SVEP1: variants seen among roughly 807,000 people sequenced by gnomAD.
SVEP1 encodes sushi, von Willebrand factor type A, EGF and pentraxin domain containing 1, also known as sushi, von Willebrand factor type A, EGF and pentraxin domain-containing protein 1.
SVEP1 carries 164 observed loss-of-function variants against 367.3 expected under a neutral mutation model. That is an observed-to-expected ratio of 0.45 (90% CI 0.39 to 0.51). The LOEUF is 0.51. Among genes scored for constraint, SVEP1 ranks in the 20% least tolerant of loss-of-function variants. The pLI is 0.00. For synonymous variants in SVEP1, 1,666 were observed against 1,611.6 expected, an observed-to-expected ratio of 1.03 and a Z score of -0.81; for missense variants, 4,117 against 4,425.3, an observed-to-expected ratio of 0.93 and a Z score of 1.98.
At chr9:110,430,121 T>TTTTC in intron 33 of SVEP1, 117 bp from the exon 34 acceptor site, 55 of 1,159,654 alleles carry the variant, frequency 4.7e-5, no homozygotes, top group Non-Finnish European at 6.2e-5. Context: ...TTTTTTTTTT[T>TTTTC]TGGTGTGTGT....
chr9:110,528,156 G>GTGTGTGTGTATGTATATATATATATATA, intron 3 of SVEP1, among the ~76,000 whole-genome samples: 4 of 33,950 alleles, frequency 1.2e-4, no homozygotes, highest in Non-Finnish European at 1.7e-4. Context: ...GTGTGTGTGT[G>GTGTGTGTGTATGTATATATATATATATA]TATATATATA....
intron 40 of SVEP1, among the ~76,000 whole-genome samples, chr9:110,389,927 T>C (rs1249667662): frequency 6.6e-6 from 1 of 151,290 alleles, no homozygotes; most frequent in African/African-American, 2.4e-5. Flanking sequence ...ATATGAATCA[T>C]AGTGTATCAT....
At chr9:110,405,757 AGTT>A (rs1827944411) in intron 38 of SVEP1, among the ~76,000 whole-genome samples, 1 of 152,122 alleles carries the variant, frequency 6.6e-6, no homozygotes, top group Non-Finnish European at 1.5e-5. Flanking sequence ...TGAATTCTTC[AGTT>A]TTTTGCCTTA....
chr9:110,406,360 A>G lies in SVEP1; in HGVS notation c.9240T>C (p.Ser3080=). ...TGTAAGTTATCACATTTTCCTTCCA[A>G]GAGCTGGTCTCACTGATGAACGCAT... is the stretch of plus-strand genomic sequence containing the variant. ...IPNAFISETS[S]WKENVITYSC... Residue 3080 remains serine (S), a synonymous_variant, in exon 38 of 48, where the codon TCT becomes TCC. Transcript: ENST00000374469. The G allele has an allele frequency of 6.2e-7, 1 of 1,614,058 alleles. No individual in the cohort carries two copies. Among genetic ancestry groups the G allele is most frequent in the Non-Finnish European group, 8.5e-7 (1 of 1,179,906 alleles).
intron 1 of SVEP1, among the ~76,000 whole-genome samples, chr9:110,552,525 T>C (rs949456281): frequency 3.3e-5 from 5 of 152,098 alleles, no homozygotes; most frequent in African/African-American, 1.2e-4. Flanking sequence ...TACAACTCAC[T>C]ATAATGTAGA....
intron 10 of SVEP1, among the ~76,000 whole-genome samples, chr9:110,483,009 T>C (rs566451431): frequency 6.6e-6 from 1 of 152,346 alleles, no homozygotes; most frequent in African/African-American, 2.4e-5. Flanking sequence ...GACAAACAAC[T>C]GATTTTCTCA....
rs1358152862 is a variant in SVEP1, at chr9:110,366,410, C to A, written c.*129G>T. On this transcript the variant is annotated 3_prime_UTR_variant, in exon 48 of 48. Coordinates refer to ENST00000374469, the MANE Select transcript of SVEP1 (RefSeq NM_153366.4). ...ATATCACAAAATAAAAAAAGTAACC[C>A]CAAGTAACAAGTTTACTAAACAAGA... is the stretch of plus-strand genomic sequence containing the variant. 4 of 868,090 alleles carry A rather than the reference C, an allele frequency of 4.6e-6. No homozygotes were observed. Among genetic ancestry groups the A allele is most frequent in the Non-Finnish European group, 6.4e-6 (4 of 623,546 alleles). 53.8% of individuals were successfully genotyped at this position (868,090 alleles called of 1,614,324 possible).
Position 110,432,635 on chromosome 9 carries a change from C to T in SVEP1, c.5060G>A (p.Arg1687His). ...AGGAGGTGGCACCCCACAGCTAATG[C>T]CTGTAAGGTGACCAGGAAGAAGACA... is the stretch of plus-strand genomic sequence containing the variant. ...QWTQPLPHCE[R>H]ISCGVPPPLE... The change falls in exon 31 of 48, where the codon CGC (arginine) becomes CAC (histidine). Residue 1687 changes from arginine to histidine, a missense_variant and splice_region_variant. By Grantham distance (29) the Arg-to-His change is conservative. Around this residue, in one of 4 missense-constraint regions of SVEP1, gnomAD observed 2,174 missense variants for 2,494.3 expected, o/e 0.87. Transcript: ENST00000374469. The T allele has an allele frequency of 6.3e-7, 1 of 1,597,426 alleles. No individual in the cohort carries two copies. Among genetic ancestry groups the T allele is most frequent in the Non-Finnish European group, 8.5e-7 (1 of 1,174,582 alleles).
intron 40 of SVEP1, among the ~76,000 whole-genome samples, chr9:110,393,588 C>A (rs1827703490): frequency 6.6e-6 from 1 of 152,182 alleles, no homozygotes; most frequent in African/African-American, 2.4e-5. Context: ...CACAAGGGGT[C>A]AGGGAATTCC....
intron 8 of SVEP1, among the ~76,000 whole-genome samples, chr9:110,493,648 C>T (rs899396251): frequency 1.3e-5 from 2 of 152,152 alleles, no homozygotes; most frequent in Admixed American, 1.3e-4. Flanking sequence ...AGAAGAATCG[C>T]TTGAACCTGG....
At chr9:110,423,481 A>G (rs1482410914) in intron 36 of SVEP1, among the ~76,000 whole-genome samples, 1 of 152,182 alleles carries the variant, frequency 6.6e-6, no homozygotes, top group South Asian at 2.1e-4. Context: ...GGAAGTAAAA[A>G]GGTACATAGT....
intron 1 of SVEP1, among the ~76,000 whole-genome samples, chr9:110,554,750 G>GTGTGTGTGTA (rs761338353): frequency 6.6e-6 from 1 of 151,986 alleles, no homozygotes; most frequent in South Asian, 2.1e-4. Flanking sequence ...GTGTGTGTGT[G>GTGTGTGTGTA]TGTATGTATG....
Position 110,406,780 on chromosome 9 carries a change from C to A in SVEP1, c.8820G>T (p.Glu2940Asp). Residue 2940 changes from glutamate (E) to aspartate (D), a missense_variant, in exon 38 of 48, where the codon GAG (glutamate) becomes GAT (aspartate). By Grantham distance (45) the Glu-to-Asp change is conservative (BLOSUM62 2). Transcript: ENST00000374469. ...AGTTGACTGGTTTACAGAGAGGAAT[C>A]TCTGCATCCCAGTTGCCATCTGACT... ...TCQSDGNWDA[E>D]IPLCKPVNCG... 1 of 1,614,012 alleles carries A rather than the reference C, an allele frequency of 6.2e-7. No homozygotes were observed. Among genetic ancestry groups the A allele is most frequent in the Non-Finnish European group, 8.5e-7 (1 of 1,179,890 alleles).
At chr9:110,381,807 A>G (rs980871894) in intron 43 of SVEP1, among the ~76,000 whole-genome samples, 3 of 152,138 alleles carry the variant, frequency 2.0e-5, no homozygotes, top group African/African-American at 7.2e-5. Context: ...TCCCACTATT[A>G]TTGTGTAAAT....
chr9:110,427,379 TC>T (rs1445130293), intron 36 of SVEP1, among the ~76,000 whole-genome samples: 1 of 151,570 alleles, frequency 6.6e-6, no homozygotes, highest in East Asian at 1.9e-4. Context: ...TTATTGAGGG[TC>T]TAATTTGATA....
intron 17 of SVEP1, 113 bp from the exon 18 acceptor site, chr9:110,466,139 G>A (rs1828933599): frequency 4.5e-6 from 5 of 1,119,488 alleles, no homozygotes; most frequent in South Asian, 1.9e-5. Context: ...GACAGAATGA[G>A]GGACCCAGAG....
At chr9:110,394,820 T>G (rs1039143320) in intron 40 of SVEP1, among the ~76,000 whole-genome samples, 17 of 151,954 alleles carry the variant, frequency 1.1e-4, no homozygotes, top group African/African-American at 4.1e-4. Flanking sequence ...TAAAAAGAAA[T>G]GAACAAAGCC....
chr9:110,543,886 C>A (rs1239826575), intron 3 of SVEP1, among the ~76,000 whole-genome samples: 1 of 152,116 alleles, frequency 6.6e-6, no homozygotes, highest in Non-Finnish European at 1.5e-5. Flanking sequence ...AGGGGAGGCA[C>A]TTTGCCAACT....
Position 110,389,539 on chromosome 9 carries a change from C to T in SVEP1, c.9871G>A (p.Val3291Met). ...TTCAACTCACCTTTGCATATTGCCACCCCTCCACTCCACTGTCTGTTCTCC... is the reference window on the plus strand; with the variant it reads ...TTCAACTCACCTTTGCATATTGCCATCCCTCCACTCCACTGTCTGTTCTCC... Reference protein sequence around the residue: ...CQENRQWSGGVAICKETRCET... With the variant: ...CQENRQWSGGMAICKETRCET... The change falls in exon 41 of 48, where the codon GTG becomes ATG. Residue 3291 changes from valine to methionine, a missense_variant. Around this residue, in one of 4 missense-constraint regions of SVEP1, gnomAD observed 1,765 missense variants for 1,781.1 expected, o/e 0.99. Transcript: ENST00000374469. The T allele has an allele frequency of 1.2e-6, 2 of 1,613,690 alleles. No homozygotes were observed. The highest frequency in any genetic ancestry group is 2.2e-5 in the East Asian group (1 of 44,866).
Sources: gnomAD v4.1 joint callset for allele counts (sites outside exome capture counted in the v4.1 genomes callset) on GRCh38, gnomAD v4.1.1 for gene constraint, gnomAD v4.1.1 regional missense constraint, MANE v1.5 for transcripts, NCBI Gene and HGNC (gene_info 2026-07-23, HGNC 2026-07-21) for gene names.